The following U2AF2 variants were observed in gnomAD, a reference collection of about 807,000 sequenced individuals.
The protein encoded by U2AF2 is splicing factor U2AF 65 kDa subunit.
Under a neutral mutation model 52.6 loss-of-function variants are expected in U2AF2, and 6 were observed. The observed-to-expected ratio is 0.11, with a 90% CI of 0.06 to 0.23. The LOEUF is 0.23. U2AF2 is among the 10% of genes least tolerant of loss of function. The probability of loss-of-function intolerance (pLI) is 1.00; values close to 1 mark genes in which losing one functional copy is unlikely to be tolerated. For synonymous variants in U2AF2, 284 were observed against 258.2 expected (o/e 1.10, Z -0.96); for missense variants, 222 against 677.1 (o/e 0.33, Z 7.46).
intron 1 of U2AF2, among the ~76,000 whole-genome samples, chr19:55,656,302 C>T (rs1014298174): frequency 2.0e-4 from 30 of 152,110 alleles, no homozygotes; most frequent in African/African-American, 7.0e-4. Context: ...AGGAATTTTC[C>T]TTTGAACCCG....
At chr19:55,660,070 G>A (rs538607513) in intron 2 of U2AF2, 107 bp from the exon 3 acceptor site, 166 of 1,023,034 alleles carry the variant, frequency 1.6e-4, no homozygotes, top group Non-Finnish European at 2.2e-4. Context: ...TGTTGACCTC[G>A]GCCCTGCTCC....
chr19:55,658,340 G>A (rs149071550), intron 1 of U2AF2, among the ~76,000 whole-genome samples: 16 of 129,940 alleles, frequency 1.2e-4, no homozygotes, highest in African/African-American at 3.5e-4. Context: ...TTGAAGGGCC[G>A]GTCTCTCTTC....
chr19:55,662,666 G>A (rs1984292018), intron 6 of U2AF2, 48 bp downstream of exon 6: 2 of 1,535,808 alleles, frequency 1.3e-6, no homozygotes, highest in East Asian at 4.5e-5. Context: ...GTGATGTGAG[G>A]GCCCAGCCCT....
Position 55,656,074 on chromosome 19 carries a change from G to C in U2AF2, c.49+921G>C, listed in dbSNP as rs577424591. On this transcript the variant is annotated intron_variant, in intron 1 of 11. Transcript: ENST00000308924. ...AAGGTGGGAGGCAGGTTCCCTTCAG[G>C]GTATCGAAAATTGTGATGGGTTAGA... Among the ~76,000 whole-genome samples the C allele has an allele frequency of 1.2e-3, 179 of 152,226 alleles. 1 individual carries two copies. The highest frequency in any genetic ancestry group is 4.0e-3 in the African/African-American group (167 of 41,530).
At chr19:55,658,899 C>T in intron 1 of U2AF2, 1 of 301,198 alleles carries the variant, frequency 3.3e-6, no homozygotes, top group Non-Finnish European at 6.1e-6. Context: ...ACCCTGGGGT[C>T]AGGCCCCTCA....
chr19:55,669,541 T>A lies in U2AF2; in HGVS notation c.1142T>A (p.Met381Lys). The part of the protein sequence containing the change: ...GGHPTEVLCL[M>K]NMVLPEELLD... ...CACCCGACTGAGGTCCTGTGCCTCA[T>A]GAACATGGTGCTGCCTGAGGAGCTG... is the stretch of plus-strand genomic sequence containing the variant. The change falls in exon 11 of 12, where the codon ATG becomes AAG. Residue 381 changes from methionine to lysine, a missense_variant. By Grantham distance (95) the Met-to-Lys change is moderately conservative. Coordinates refer to ENST00000308924, the MANE Select transcript of U2AF2 (RefSeq NM_007279.3). The A allele has an allele frequency of 6.2e-7, 1 of 1,613,858 alleles. No homozygotes were observed. The highest frequency in any genetic ancestry group is 1.3e-5 in the African/African-American group (1 of 74,992).
intron 1 of U2AF2, among the ~76,000 whole-genome samples, chr19:55,657,411 C>T (rs2079391483): frequency 6.6e-6 from 1 of 152,240 alleles, no homozygotes; most frequent in African/African-American, 2.4e-5. Flanking sequence ...CCTTCTGCTT[C>T]AGTCCTTTCC....
Position 55,655,071 on chromosome 19 carries a change from A to T in U2AF2, c.-34A>T. ...CTGGAGCGGGCGGCAAGGCGAGGCG[A>T]AAGCTGCACAGGGCCCTACGCGGCC... On this transcript the variant is annotated 5_prime_UTR_variant, in exon 1 of 12. Coordinates refer to ENST00000308924, the MANE Select transcript of U2AF2 (RefSeq NM_007279.3). The T allele has an allele frequency of 6.2e-7, 1 of 1,605,902 alleles. No individual in the cohort carries two copies. The highest frequency in any genetic ancestry group is 8.5e-7 in the Non-Finnish European group (1 of 1,177,668).
intron 10 of U2AF2, 84 bp from the exon 11 acceptor site, chr19:55,669,360 G>C: frequency 6.5e-7 from 1 of 1,544,178 alleles, no homozygotes; most frequent in South Asian, 1.2e-5. Flanking sequence ...TTCCCCTGGG[G>C]GGGCATGTGA....
intron 1 of U2AF2, 172 bp from the exon 2 acceptor site, chr19:55,659,038 C>A: frequency 9.1e-7 from 1 of 1,101,074 alleles, no homozygotes; most frequent in Non-Finnish European, 1.2e-6. Flanking sequence ...CCTCATGGTC[C>A]CTGGACTCGC....
chr19:55,662,464 T>TCCCCCCC, intron 5 of U2AF2, 38 bp from the exon 6 acceptor site: 2 of 613,016 alleles, frequency 3.3e-6, no homozygotes, highest in Admixed American at 4.6e-5. Context: ...CCACCTCCCT[T>TCCCCCCC]CCCCCGCCCC....
intron 11 of U2AF2, among the ~76,000 whole-genome samples, chr19:55,673,125 G>T (rs1985029503): frequency 6.6e-6 from 1 of 150,710 alleles, no homozygotes; most frequent in Non-Finnish European, 1.5e-5. Flanking sequence ...CGCTATGTTG[G>T]CCATGCTGGT....
chr19:55,671,640 T>G (rs1362955390), intron 11 of U2AF2: 1 of 152,362 alleles, frequency 6.6e-6, no homozygotes. Context: ...CGGCATCTCC[T>G]CTCACTGCAG....
At position 55,668,408 on chromosome 19, in the gene U2AF2, A is replaced by G; in HGVS notation, c.743-99A>G. 8.3e-7 allele frequency: 1 copy of G among 1,198,578 alleles called. No homozygotes were observed. Among genetic ancestry groups the G allele is most frequent in the Non-Finnish European group, 1.2e-6 (1 of 859,880 alleles). The allele number at this position is 1,198,578 out of a possible 1,614,324, so 74.2% of individuals were successfully genotyped here. On this transcript the variant is annotated intron_variant, in intron 7 of 11. Transcript: ENST00000308924. This position sits in a 1 kb window ranked among gnomAD's most constrained non-coding sequence, Gnocchi z 5.5. ...CCCTCCCTCGTCAGATCAGGCAGGA[A>G]GTGTTCTCTTTGGCAATTGAGGAGC...
chr19:55,665,948 C>T (rs901731275), intron 7 of U2AF2, among the ~76,000 whole-genome samples: 4 of 152,248 alleles, frequency 2.6e-5, no homozygotes, highest in African/African-American at 9.6e-5. Context: ...CGGCCACTGC[C>T]TGTTTTTGTA....
In U2AF2 at chr19:55,674,320, G is replaced by A; in HGVS notation, c.*252G>A. On this transcript the variant is annotated 3_prime_UTR_variant, in exon 12 of 12. Transcript: ENST00000308924. The stretch of plus-strand genomic sequence containing the variant: ...CAACACGCACCCACACAGACACAGA[G>A]GGAAGGGGTTGGGATGGGGACAGGG... The A allele has an allele frequency of 2.1e-6, 1 of 482,588 alleles. No homozygotes were observed. Among genetic ancestry groups the A allele is most frequent in the Non-Finnish European group, 3.7e-6 (1 of 268,446 alleles). The allele number at this position is 482,588 out of a possible 1,614,324, so 29.9% of individuals were successfully genotyped here. A position where few individuals can be genotyped will look rare whatever the true frequency, so the allele number is the denominator to read the frequency against.
chr19:55,655,337 G>T (rs1983710747), intron 1 of U2AF2, among the ~76,000 whole-genome samples, 184 bp downstream of exon 1: 1 of 152,198 alleles, frequency 6.6e-6, no homozygotes, highest in Admixed American at 6.5e-5. Context: ...CTAGGCGAGG[G>T]GAAGGGGGCG....
chr19:55,674,093 A>C lies in U2AF2; in HGVS notation c.*25A>C. ...GAGGCGGCTGGGGGAGGGTGGGGGCAGGGCTGGCTGGGGGCTTCTCCCCAC... is the reference window on the plus strand; with the variant it reads ...GAGGCGGCTGGGGGAGGGTGGGGGCCGGGCTGGCTGGGGGCTTCTCCCCAC... On this transcript the variant is annotated 3_prime_UTR_variant, in exon 12 of 12. Coordinates refer to ENST00000308924, the MANE Select transcript of U2AF2 (RefSeq NM_007279.3). 1.5e-6 allele frequency: 1 copy of C among 652,046 alleles called. No individual in the cohort carries two copies. The allele number at this position is 652,046 out of a possible 1,614,324, so 40.4% of individuals were successfully genotyped here.
At chr19:55,659,851 T>G (rs1984053084) in intron 2 of U2AF2, among the ~76,000 whole-genome samples, 1 of 152,138 alleles carries the variant, frequency 6.6e-6, no homozygotes, top group Non-Finnish European at 1.5e-5. Flanking sequence ...CCTCTTCCCT[T>G]CTAGGCTCCC....
Sources: allele counts gnomAD v4.1 joint callset (sites outside exome capture counted in the v4.1 genomes callset), GRCh38; gene constraint gnomAD v4.1.1; non-coding constraint Gnocchi (gnomAD v3.1); transcripts MANE v1.5; gene names NCBI Gene and HGNC (gene_info 2026-07-23, HGNC 2026-07-21).